Variants in DLGAP4 observed in about 807,000 individuals in gnomAD.
The protein encoded by DLGAP4 is disks large-associated protein 4.
DLGAP4 carries 18 observed loss-of-function variants against 86.9 expected under a neutral mutation model. The ratio of observed to expected loss-of-function variants is 0.21; its 90% CI spans 0.14 to 0.31. The LOEUF (loss-of-function observed/expected upper bound fraction) is 0.31. DLGAP4 is among the 10% of genes least tolerant of loss of function. DLGAP4 has a pLI of 1.00. For missense variants in DLGAP4, 1,085 were observed against 1,362.6 expected (o/e 0.80, Z 3.21); for synonymous variants, 548 against 574.3 (o/e 0.95, Z 0.65).
At chr20:36,491,741 G>A (rs1026784655) in intron 7 of DLGAP4, among the ~76,000 whole-genome samples, 1 of 152,170 alleles carries the variant, frequency 6.6e-6, no homozygotes, top group Non-Finnish European at 1.5e-5. Flanking sequence ...TAGAACCTTG[G>A]ATACTAAAGT....
intron 2 of DLGAP4, among the ~76,000 whole-genome samples, chr20:36,388,397 C>T (rs1393124328): frequency 3.3e-5 from 5 of 152,310 alleles, no homozygotes; most frequent in Non-Finnish European, 5.9e-5. Flanking sequence ...CTGTGTCCCA[C>T]TTCCTCCCCA....
At chr20:36,420,359 T>C (rs964585107) in intron 2 of DLGAP4, among the ~76,000 whole-genome samples, 20 of 152,192 alleles carry the variant, frequency 1.3e-4, no homozygotes, top group African/African-American at 4.8e-4. Context: ...CGCCTCTCAG[T>C]GGATGTAGCC....
chr20:36,510,037 G>GTAGAGACGGGGTTTCTCCA (rs537702783), intron 10 of DLGAP4, among the ~76,000 whole-genome samples: 83 of 151,536 alleles, frequency 5.5e-4, no homozygotes, highest in African/African-American at 2.0e-3. Flanking sequence ...TGTATTTTTA[G>GTAGAGACGGGGTTTCTCCA]TGTTGGTCAG....
intron 7 of DLGAP4, among the ~76,000 whole-genome samples, chr20:36,473,757 A>C (rs2034783403): frequency 6.6e-6 from 1 of 152,094 alleles, no homozygotes; most frequent in Non-Finnish European, 1.5e-5. Flanking sequence ...GCCAGCAAAT[A>C]CGATTTTTAT....
chr20:36,517,086 A>C (rs2037084396), intron 10 of DLGAP4, among the ~76,000 whole-genome samples: 1 of 151,186 alleles, frequency 6.6e-6, no homozygotes, highest in Non-Finnish European at 1.5e-5. Context: ...CTTAAAAAAA[A>C]AGAAAGAAAA....
intron 7 of DLGAP4, among the ~76,000 whole-genome samples, chr20:36,482,503 C>T (rs888625517): frequency 2.0e-5 from 3 of 152,170 alleles, no homozygotes; most frequent in Non-Finnish European, 4.4e-5. Flanking sequence ...TCGTATGATA[C>T]AGCCAGTATT....
chr20:36,343,069 G>C (rs1180662571), intron 1 of DLGAP4, among the ~76,000 whole-genome samples: 1 of 152,166 alleles, frequency 6.6e-6, no homozygotes, highest in African/African-American at 2.4e-5. Context: ...GCTCAGCCCT[G>C]AGGGGCCTTC....
At chr20:36,494,080 G>T (rs539519177) in intron 7 of DLGAP4, among the ~76,000 whole-genome samples, 192 of 152,302 alleles carry the variant, frequency 1.3e-3, no homozygotes, top group African/African-American at 4.5e-3. Flanking sequence ...CTGTCCTTCT[G>T]CCTGTACACT....
intron 2 of DLGAP4, among the ~76,000 whole-genome samples, chr20:36,427,028 A>G (rs907128722): frequency 1.3e-5 from 2 of 152,016 alleles, no homozygotes; most frequent in Admixed American, 1.3e-4. Context: ...AAAAAAAAAA[A>G]AATGTTTTTT....
rs562705823 is a variant in DLGAP4 at position 36,324,332 on chromosome 20, C to T, written c.-304+17820C>T. On this transcript the variant is annotated intron_variant, in intron 1 of 12. Coordinates refer to ENST00000339266, the MANE Select transcript of DLGAP4 (RefSeq NM_001365621.2). Reference sequence around the variant, plus strand: ...GTCCCAGCTACTAGGGAGGCAGAGGCAGGAGAATCACTTGAACCCGGGAGG... The same window carrying T: ...GTCCCAGCTACTAGGGAGGCAGAGGTAGGAGAATCACTTGAACCCGGGAGG... 2.1e-4 allele frequency among the ~76,000 whole-genome samples: 32 copies of T among 152,164 alleles called. 1 individual carries two copies. In the South Asian group the frequency reaches 6.0e-3, roughly 29 times the overall value.
chr20:36,387,449 G>A (rs1260619801), intron 2 of DLGAP4, among the ~76,000 whole-genome samples: 2 of 152,092 alleles, frequency 1.3e-5, no homozygotes, highest in Non-Finnish European at 2.9e-5. Flanking sequence ...TCCAAGTTGT[G>A]TTGCTTGTCT....
At position 36,393,408 on chromosome 20, in the gene DLGAP4, TTAATCCC is replaced by T. The variant is rs1250561488; in HGVS notation, c.-73+26135_-73+26141del. 3.3e-5 allele frequency among the ~76,000 whole-genome samples: 5 copies of T among 152,058 alleles called. No homozygotes were observed. The highest frequency in any genetic ancestry group is 2.6e-4 in the Admixed American group (4 of 15,272). On this transcript the variant is annotated intron_variant, in intron 2 of 12. Coordinates refer to ENST00000339266, the MANE Select transcript of DLGAP4 (RefSeq NM_001365621.2). This position sits in a 1 kb window ranked among gnomAD's most constrained non-coding sequence, Gnocchi z 4.4. Reference sequence around the variant, plus strand: ...CTTCCTCATCTGGTAAACAATAAAATTAATCCCTGTCCCCCGGCTGCTAACTTACGAA... The same window carrying T: ...CTTCCTCATCTGGTAAACAATAAAATTGTCCCCCGGCTGCTAACTTACGAA...
chr20:36,519,606 C>T (rs2037251785), intron 10 of DLGAP4, among the ~76,000 whole-genome samples: 2 of 152,116 alleles, frequency 1.3e-5, no homozygotes, highest in South Asian at 4.1e-4. Flanking sequence ...TGGGTTTATA[C>T]CCAGAAGTGG....
chr20:36,431,775 C>T lies in DLGAP4; in HGVS notation c.58C>T (p.His20Tyr). 6.2e-7 allele frequency: 1 copy of T among 1,612,852 alleles called. No individual in the cohort carries two copies. The highest frequency in any genetic ancestry group is 1.3e-5 in the African/African-American group (1 of 75,034). Residue 20 changes from histidine (H) to tyrosine (Y), a missense_variant, in exon 3 of 13, where the codon CAC becomes TAC. Around this residue, in one of 2 missense-constraint regions of DLGAP4, gnomAD observed 1,082 missense variants for 1,344.1 expected, o/e 0.81. Transcript: ENST00000339266. This position sits in a 1 kb window ranked among gnomAD's most constrained non-coding sequence, Gnocchi z 5.1. Reference protein sequence around the residue: ...RHLSDSLDPPHEPLFAGTDRN... With the variant: ...RHLSDSLDPPYEPLFAGTDRN... ...CCTCTCCGACAGCCTAGACCCACCC[C>T]ACGAGCCCCTGTTTGCAGGGACCGA...
intron 7 of DLGAP4, among the ~76,000 whole-genome samples, chr20:36,470,679 C>T (rs575419880): frequency 4.6e-5 from 7 of 152,024 alleles, no homozygotes; most frequent in Non-Finnish European, 8.8e-5. Context: ...CTCAGCATCA[C>T]GTGCAGCTAT....
chr20:36,348,826 C>T (rs782169026), intron 1 of DLGAP4, among the ~76,000 whole-genome samples: 2 of 150,790 alleles, frequency 1.3e-5, no homozygotes, highest in Admixed American at 6.6e-5. Context: ...TGGGGCCAGG[C>T]GTGGTGGCTT....
At chr20:36,320,750 A>G (rs1310987154) in intron 1 of DLGAP4, among the ~76,000 whole-genome samples, 1 of 151,748 alleles carries the variant, frequency 6.6e-6, no homozygotes, top group Non-Finnish European at 1.5e-5. Context: ...GGTGAGGGGG[A>G]CACTGATGAG....
At chr20:36,331,436 C>G (rs2065267044) in intron 1 of DLGAP4, among the ~76,000 whole-genome samples, 1 of 152,236 alleles carries the variant, frequency 6.6e-6, no homozygotes, top group East Asian at 1.9e-4. Context: ...CCTCCCTTTG[C>G]TGTGGAGTTG....
intron 7 of DLGAP4, among the ~76,000 whole-genome samples, chr20:36,459,106 G>T (rs2033957617): frequency 6.6e-6 from 1 of 152,304 alleles, no homozygotes; most frequent in African/African-American, 2.4e-5. Flanking sequence ...GATTAGGGAG[G>T]GGGAGCATGT....
Sources: gnomAD v4.1 joint callset for allele counts (sites outside exome capture counted in the v4.1 genomes callset) on GRCh38, gnomAD v4.1.1 for gene constraint, gnomAD v4.1.1 regional missense constraint, Gnocchi (gnomAD v3.1) non-coding constraint, MANE v1.5 for transcripts, NCBI Gene and HGNC (gene_info 2026-07-23, HGNC 2026-07-21) for gene names.